ABHD3: variants seen among roughly 807,000 people sequenced by gnomAD.
ABHD3 encodes the protein abhydrolase domain containing 3, phospholipase, also known as phospholipase ABHD3.
ABHD3 carries 46 observed loss-of-function variants against 48.8 expected under a neutral mutation model. That is an observed-to-expected ratio of 0.94 (90% CI 0.74 to 1.20). The LOEUF is 1.20. Ranked by LOEUF, ABHD3 falls within the 50% of genes most tolerant of loss-of-function variation. The pLI is 0.00. For missense variants in ABHD3, 490 were observed against 497.8 expected (o/e 0.98, Z 0.15); for synonymous variants, 192 against 183.7 (o/e 1.04, Z -0.36).
rs1337252166 is a variant in ABHD3, at chr18:21,657,159, C to G, written c.843-7G>C. On this transcript the variant is annotated splice_region_variant and splice_polypyrimidine_tract_variant and intron_variant, in intron 6 of 8. Coordinates refer to ENST00000289119, the MANE Select transcript of ABHD3 (RefSeq NM_138340.5). ...TACAAACATATGTCGGTGCCTGGAA[C>G]AAAAGAATTTCGGAAGTAAAAATCA... 6.3e-7 allele frequency: 1 copy of G among 1,595,688 alleles called. No homozygotes were observed. The highest frequency in any genetic ancestry group is 1.1e-5 in the South Asian group (1 of 88,656).
intron 4 of ABHD3, among the ~76,000 whole-genome samples, chr18:21,679,539 A>G (rs2039960645): frequency 6.6e-6 from 1 of 152,108 alleles, no homozygotes; most frequent in Admixed American, 6.5e-5. Context: ...TTTTAATTAA[A>G]TTTTTTTGAG....
rs1568167789 is a variant in ABHD3 at position 21,702,461 on chromosome 18, G to A, written c.364C>T (p.Leu122=). The A allele has an allele frequency of 1.2e-6, 2 of 1,609,046 alleles. No individual in the cohort carries two copies. Among genetic ancestry groups the A allele is most frequent in the Admixed American group, 1.7e-5 (1 of 59,326 alleles). Residue 122 remains leucine (L), a synonymous_variant, in exon 3 of 9, where the codon CTG becomes TTG. Transcript: ENST00000289119. ...CTGTTATCATTATCAAACCAGTCCA[G>A]TGAAATCTGTCCTCCATCTGCAGTT... ...IKTADGGQIS[L]DWFDNDNSTC... is the part of the protein sequence containing the mutation.
In ABHD3 at chr18:21,704,765, C is replaced by A; in HGVS notation, c.-100G>T. 1.8e-6 allele frequency: 2 copies of A among 1,086,226 alleles called. No homozygotes were observed. Among genetic ancestry groups the A allele is most frequent in the Non-Finnish European group, 2.3e-6 (2 of 852,884 alleles). The allele number at this position is 1,086,226 out of a possible 1,614,324, so 67.3% of individuals were successfully genotyped here. A position where few individuals can be genotyped will look rare whatever the true frequency, so the allele number is the denominator to read the frequency against. ...CGGACGCGGCGCCGCTGCCTACTCC[C>A]GACCACAGTGTCTCCTGCCTGGCGG... On this transcript the variant is annotated 5_prime_UTR_variant, in exon 1 of 9. Coordinates refer to ENST00000289119, the MANE Select transcript of ABHD3 (RefSeq NM_138340.5).
At chr18:21,696,006 A>G (rs1320177605) in intron 3 of ABHD3, among the ~76,000 whole-genome samples, 1 of 152,202 alleles carries the variant, frequency 6.6e-6, no homozygotes, top group African/African-American at 2.4e-5. Flanking sequence ...GGTGGAATAC[A>G]ATGGTAAATG....
intron 3 of ABHD3, among the ~76,000 whole-genome samples, chr18:21,689,411 T>C (rs1482468088): frequency 6.6e-6 from 1 of 151,836 alleles, no homozygotes; most frequent in African/African-American, 2.4e-5. Context: ...TAGCCATGCG[T>C]GGTGGCAGGC....
At chr18:21,699,865 A>T (rs955223230) in intron 3 of ABHD3, among the ~76,000 whole-genome samples, 9 of 151,926 alleles carry the variant, frequency 5.9e-5, no homozygotes, top group African/African-American at 2.2e-4. Flanking sequence ...TTTAGTACAG[A>T]TGGGGTTTCG....
intron 3 of ABHD3, among the ~76,000 whole-genome samples, chr18:21,695,351 C>T (rs2040346736): frequency 6.6e-6 from 1 of 152,106 alleles, no homozygotes; most frequent in African/African-American, 2.4e-5. Flanking sequence ...TTCAAGCTTC[C>T]CTTGCAGCCA....
At chr18:21,660,668 C>A (rs1327865180) in intron 5 of ABHD3, among the ~76,000 whole-genome samples, 1 of 152,000 alleles carries the variant, frequency 6.6e-6, no homozygotes, top group Non-Finnish European at 1.5e-5. Context: ...CCCCCTCATT[C>A]TTTTTTCCAG....
At chr18:21,652,495 G>C (rs1030992115) in intron 8 of ABHD3, among the ~76,000 whole-genome samples, 5 of 152,132 alleles carry the variant, frequency 3.3e-5, no homozygotes, top group Admixed American at 2.6e-4. Flanking sequence ...GAAAGAGAGA[G>C]GCCAGGTGTG....
intron 4 of ABHD3, among the ~76,000 whole-genome samples, chr18:21,666,185 C>G (rs964626087): frequency 6.6e-6 from 1 of 151,840 alleles, no homozygotes; most frequent in South Asian, 2.1e-4. Context: ...AGGTGTGCAC[C>G]AGCTAATCTT....
intron 4 of ABHD3, among the ~76,000 whole-genome samples, chr18:21,680,782 G>A (rs951873203): frequency 6.6e-6 from 1 of 151,832 alleles, no homozygotes; most frequent in African/African-American, 2.4e-5. Flanking sequence ...AGGAGAGTAT[G>A]TTTTTAAAGT....
At chr18:21,696,166 T>G (rs944476750) in intron 3 of ABHD3, among the ~76,000 whole-genome samples, 4 of 149,840 alleles carry the variant, frequency 2.7e-5, no homozygotes, top group African/African-American at 9.9e-5. Context: ...TTTTTTGAGA[T>G]GGAGTCTTGC....
At position 21,651,186 on chromosome 18, in the gene ABHD3, T is replaced by G. The variant is rs1418715258; in HGVS notation, c.*405A>C. On this transcript the variant is annotated 3_prime_UTR_variant, in exon 9 of 9. Coordinates refer to ENST00000289119, the MANE Select transcript of ABHD3 (RefSeq NM_138340.5). ...GAATGTACCACCTTATAACTTACAT[T>G]GAAATAGCCAATATTTCTTAGTAGT... 1 of 155,208 alleles carries G rather than the reference T, an allele frequency of 6.4e-6. No individual in the cohort carries two copies. 9.6% of individuals were successfully genotyped at this position (155,208 alleles called of 1,614,324 possible). A position where few individuals can be genotyped will look rare whatever the true frequency, so the allele number is the denominator to read the frequency against.
At chr18:21,665,722 G>A (rs1478018701) in intron 4 of ABHD3, among the ~76,000 whole-genome samples, 1 of 151,554 alleles carries the variant, frequency 6.6e-6, no homozygotes, top group Non-Finnish European at 1.5e-5. Context: ...TGAGGCAGGA[G>A]AATGGCGTGA....
chr18:21,697,038 TA>T (rs1376836417), intron 3 of ABHD3, among the ~76,000 whole-genome samples: 1 of 151,852 alleles, frequency 6.6e-6, no homozygotes, highest in African/African-American at 2.4e-5. Context: ...TATCTTCATG[TA>T]GGCAGGCCAA....
intron 4 of ABHD3, among the ~76,000 whole-genome samples, chr18:21,669,644 T>G (rs2039712354): frequency 6.6e-6 from 1 of 152,154 alleles, no homozygotes; most frequent in Admixed American, 6.6e-5. Flanking sequence ...AGACTCAACA[T>G]GCACGAAGAT....
intron 3 of ABHD3, among the ~76,000 whole-genome samples, chr18:21,699,450 C>T (rs1314818230): frequency 6.6e-6 from 1 of 152,212 alleles, no homozygotes; most frequent in African/African-American, 2.4e-5. Context: ...AAAGACTCAA[C>T]TCAGCCTTGC....
intron 8 of ABHD3, among the ~76,000 whole-genome samples, chr18:21,653,204 A>C (rs1371507256): frequency 6.7e-6 from 1 of 149,986 alleles, no homozygotes; most frequent in Non-Finnish European, 1.5e-5. Context: ...TCTACTAAAA[A>C]TACAAAAAAT....
chr18:21,656,831 T>G lies in ABHD3; in HGVS notation c.1057+30A>C, dbSNP rs532566140. 8 of 1,530,806 alleles carry G rather than the reference T, an allele frequency of 5.2e-6. No individual in the cohort carries two copies. In the East Asian group the frequency reaches 1.4e-4, roughly 26 times the overall value. The allele number at this position is 1,530,806 out of a possible 1,614,324, so 94.8% of individuals were successfully genotyped here. ...ACAATATATTAAAAGTTGATTCATG[T>G]CAAAATATATACAAATATGTTAATT... On this transcript the variant is annotated intron_variant, in intron 8 of 8. Coordinates refer to ENST00000289119, the MANE Select transcript of ABHD3 (RefSeq NM_138340.5).
Sources: gnomAD v4.1 joint callset for allele counts (sites outside exome capture counted in the v4.1 genomes callset) on GRCh38, gnomAD v4.1.1 for gene constraint, MANE v1.5 for transcripts, NCBI Gene and HGNC (gene_info 2026-07-23, HGNC 2026-07-21) for gene names.